The following ERI3 variants were observed in gnomAD, a reference collection of about 807,000 sequenced individuals.
The protein encoded by ERI3 is ERI1 exoribonuclease family member 3.
A neutral mutation model predicts 44.4 loss-of-function variants in ERI3; 18 were observed. The observed-to-expected ratio is 0.41, with a 90% CI of 0.28 to 0.60. The LOEUF is 0.60. ERI3 is among the 20% of genes least tolerant of loss of function. The pLI is 0.36. For missense variants in ERI3, 294 were observed against 435.5 expected (o/e 0.68, Z 2.89); for synonymous variants, 183 against 164.8 (o/e 1.11, Z -0.84).
chr1:44,354,993 GC>G lies in ERI3; in HGVS notation c.33del (p.Arg12GlyfsTer57). On this transcript the variant is annotated frameshift_variant, in exon 1 of 9. Coordinates refer to ENST00000372257, the MANE Select transcript of ERI3 (RefSeq NM_024066.3). LOFTEE classifies it high-confidence loss of function. MATASPAADG[G>X]RGRPWEGGLV... ...AGCCCTCCTTCCCAGGGCCGCCCCC[GC>G]CCCCCGTCAGCAGCGGGAGAGGCTG... is the stretch of plus-strand genomic sequence containing the variant. 17 of 1,372,520 alleles carry G rather than the reference GC, an allele frequency of 1.2e-5. No individual in the cohort carries two copies. Among genetic ancestry groups the G allele is most frequent in the South Asian group, 1.0e-4 (5 of 47,892 alleles). 85.0% of individuals were successfully genotyped at this position (1,372,520 alleles called of 1,614,324 possible). A position where few individuals can be genotyped will look rare whatever the true frequency, so the allele number is the denominator to read the frequency against.
At chr1:44,251,304 C>T (rs1644674351) in intron 7 of ERI3, among the ~76,000 whole-genome samples, 1 of 152,268 alleles carries the variant, frequency 6.6e-6, no homozygotes, top group Admixed American at 6.5e-5. Flanking sequence ...TGCTGGCATG[C>T]CACAAATGCA....
chr1:44,257,060 C>T (rs1165426874), intron 7 of ERI3: 3 of 152,046 alleles, frequency 2.0e-5, no homozygotes, highest in Admixed American at 6.6e-5. Context: ...CCTCTCCCAC[C>T]GCTTCTTTTT....
chr1:44,280,191 ATTTC>A (rs376461394), intron 7 of ERI3, among the ~76,000 whole-genome samples: 110 of 152,302 alleles, frequency 7.2e-4, no homozygotes, highest in African/African-American at 2.6e-3. Context: ...GTATTTATGT[ATTTC>A]TTAAGCATTT....
chr1:44,248,672 C>T (rs1010958576), intron 7 of ERI3, among the ~76,000 whole-genome samples: 3 of 147,920 alleles, frequency 2.0e-5, no homozygotes, highest in Admixed American at 6.7e-5. Context: ...GTACATGGGG[C>T]GTGTGTGTGT....
chr1:44,278,590 A>C (rs1164061408), intron 7 of ERI3, among the ~76,000 whole-genome samples: 8 of 152,140 alleles, frequency 5.3e-5, no homozygotes, highest in Admixed American at 5.2e-4. Context: ...TTTTTCAAGA[A>C]AGTTTTTAAT....
At chr1:44,250,352 C>A (rs2154318422) in intron 7 of ERI3, among the ~76,000 whole-genome samples, 1 of 152,302 alleles carries the variant, frequency 6.6e-6, no homozygotes, top group African/African-American at 2.4e-5. Context: ...AGCGGGAAGA[C>A]CACTTCAGAT....
chr1:44,326,112 AAAC>A (rs926279881), intron 3 of ERI3, among the ~76,000 whole-genome samples: 1 of 152,262 alleles, frequency 6.6e-6, no homozygotes, highest in Admixed American at 6.5e-5. Flanking sequence ...CTTTCCTTCA[AAAC>A]AACTAATCTA....
intron 8 of ERI3, among the ~76,000 whole-genome samples, chr1:44,233,931 C>T (rs1644245066): frequency 6.6e-6 from 1 of 152,186 alleles, no homozygotes; most frequent in Non-Finnish European, 1.5e-5. Context: ...ATCCCTATGA[C>T]TCATGAGGAT....
At chr1:44,311,673 G>C (rs898369149) in intron 5 of ERI3, among the ~76,000 whole-genome samples, 3 of 152,060 alleles carry the variant, frequency 2.0e-5, no homozygotes, top group Non-Finnish European at 4.4e-5. Flanking sequence ...ATAACCTCAA[G>C]AGTCCTGGTT....
intron 3 of ERI3, among the ~76,000 whole-genome samples, chr1:44,327,095 C>T (rs1406621592): frequency 6.6e-6 from 1 of 152,192 alleles, no homozygotes; most frequent in Non-Finnish European, 1.5e-5. Flanking sequence ...GAAGCTGACC[C>T]TTCAAGGGCA....
At chr1:44,259,916 T>TAGATAGATAGAC in intron 7 of ERI3, among the ~76,000 whole-genome samples, 1 of 141,478 alleles carries the variant, frequency 7.1e-6, no homozygotes, top group Non-Finnish European at 1.5e-5. Context: ...GATAGATAGA[T>TAGATAGATAGAC]AGATAGACAG....
intron 7 of ERI3, among the ~76,000 whole-genome samples, chr1:44,281,601 A>AAATATATATATAT (rs1460400186): frequency 7.8e-6 from 1 of 128,056 alleles, no homozygotes; most frequent in Non-Finnish European, 1.6e-5. Flanking sequence ...AAAAAAAAAA[A>AAATATATATATAT]ATATATATAT....
At chr1:44,353,950 G>C in intron 1 of ERI3, 2 of 985,362 alleles carry the variant, frequency 2.0e-6, no homozygotes, top group Non-Finnish European at 2.4e-6. Context: ...ACACACATTA[G>C]TGGAGTCACA....
chr1:44,221,749 A>G lies in ERI3; in HGVS notation c.932-109T>C, dbSNP rs1299353919. 5.9e-6 allele frequency: 5 copies of G among 844,712 alleles called. No homozygotes were observed. In the Admixed American group the frequency reaches 8.0e-5, roughly 14 times the overall value. 52.3% of individuals were successfully genotyped at this position (844,712 alleles called of 1,614,324 possible). A position where few individuals can be genotyped will look rare whatever the true frequency, so the allele number is the denominator to read the frequency against. On this transcript the variant is annotated intron_variant, in intron 8 of 8. Transcript: ENST00000372257. This position sits in a 1 kb window ranked among gnomAD's most constrained non-coding sequence, Gnocchi z 5.9. ...AAGCAGGGTCAGATTCAGGAGACACAGGCTTTAGAGAGGGTGGTCCCATCC... is the reference window on the plus strand; with the variant it reads ...AAGCAGGGTCAGATTCAGGAGACACGGGCTTTAGAGAGGGTGGTCCCATCC...
At chr1:44,333,149 T>A (rs1646465637) in intron 3 of ERI3, among the ~76,000 whole-genome samples, 1 of 152,200 alleles carries the variant, frequency 6.6e-6, no homozygotes, top group South Asian at 2.1e-4. Flanking sequence ...TGTCTTAACA[T>A]ATAACACCAT....
chr1:44,320,059 A>G (rs1482663029), intron 3 of ERI3, among the ~76,000 whole-genome samples: 1 of 152,102 alleles, frequency 6.6e-6, no homozygotes, highest in Non-Finnish European at 1.5e-5. Context: ...GAGGCTTGCT[A>G]ACTTGAGCCC....
chr1:44,352,568 G>C (rs921633322), intron 2 of ERI3, among the ~76,000 whole-genome samples: 2 of 152,196 alleles, frequency 1.3e-5, no homozygotes, highest in Non-Finnish European at 2.9e-5. Flanking sequence ...TGAACCTAAA[G>C]TAGGTGCTCA....
chr1:44,317,144 G>GCACACACACACACA (rs10670781), intron 4 of ERI3, among the ~76,000 whole-genome samples: 8 of 151,124 alleles, frequency 5.3e-5, no homozygotes, highest in Admixed American at 1.3e-4. Flanking sequence ...GCATGTGCGT[G>GCACACACACACACA]CACACACACA....
At chr1:44,309,561 G>A (rs1338218317) in intron 5 of ERI3, among the ~76,000 whole-genome samples, 6 of 152,092 alleles carry the variant, frequency 3.9e-5, no homozygotes, top group East Asian at 1.9e-4. Context: ...CCCAGGCATG[G>A]AGAGGGAGTC....
Sources: allele counts gnomAD v4.1 joint callset (sites outside exome capture counted in the v4.1 genomes callset), GRCh38; gene constraint gnomAD v4.1.1; non-coding constraint Gnocchi (gnomAD v3.1); transcripts MANE v1.5; gene names NCBI Gene and HGNC (gene_info 2026-07-23, HGNC 2026-07-21).